Variants in KAZN observed in about 807,000 individuals in gnomAD.
KAZN encodes the protein kazrin, periplakin interacting protein, also known as kazrin.
KAZN carries 40 observed loss-of-function variants against 87.4 expected under a neutral mutation model. The ratio of observed to expected loss-of-function variants is 0.46; its 90% confidence interval spans 0.36 to 0.60. The LOEUF is 0.60. Among genes scored for constraint, KAZN ranks in the 20% least tolerant of loss-of-function variants. KAZN has a pLI of 0.00. For synonymous variants in KAZN, 466 were observed against 458.3 expected, an observed-to-expected ratio of 1.02 and a Z score of -0.22; for missense variants, 898 against 1,073.9, an observed-to-expected ratio of 0.84 and a Z score of 2.29.
chr1:14,766,547 C>G (rs1407025119), intron 1 of KAZN, among the ~76,000 whole-genome samples: 1 of 150,022 alleles, frequency 6.7e-6, no homozygotes, highest in African/African-American at 2.5e-5. Context: ...AAACCTATTG[C>G]CTGGTGCTCT....
chr1:14,100,857 C>T (rs1570738020), intron 1 of KAZN, among the ~76,000 whole-genome samples: 1 of 152,222 alleles, frequency 6.6e-6, no homozygotes, highest in Admixed American at 6.5e-5. Context: ...GTAATTGAAT[C>T]ATGGGATGGG....
intron 1 of KAZN, among the ~76,000 whole-genome samples, chr1:14,676,922 G>A (rs1014781210): frequency 6.6e-6 from 1 of 152,018 alleles, no homozygotes; most frequent in Non-Finnish European, 1.5e-5. Flanking sequence ...CCACTGAATT[G>A]TATACTTTAA....
chr1:14,961,638 A>T (rs574201483), intron 2 of KAZN, among the ~76,000 whole-genome samples: 33 of 152,294 alleles, frequency 2.2e-4, no homozygotes, highest in African/African-American at 7.9e-4. Context: ...ACATCTGGGG[A>T]AAACACAGCC....
At chr1:14,924,599 C>T in intron 1 of KAZN, 1 of 985,760 alleles carries the variant, frequency 1.0e-6, no homozygotes. Flanking sequence ...CGGGGCGGGG[C>T]GGGCGGCGCG....
chr1:15,059,012 A>G (rs1638544557), intron 5 of KAZN, among the ~76,000 whole-genome samples: 2 of 151,920 alleles, frequency 1.3e-5, no homozygotes, highest in Non-Finnish European at 2.9e-5. Flanking sequence ...ACAGAGCAAG[A>G]CCCTGTCTCA....
At chr1:14,356,965 A>C (rs1414277017) in intron 2 of KAZN, among the ~76,000 whole-genome samples, 2 of 152,160 alleles carry the variant, frequency 1.3e-5, no homozygotes, top group Admixed American at 1.3e-4. Context: ...CTGTGAAGAA[A>C]GTCAATGGTG....
chr1:13,999,738 C>A (rs12735414), intron 1 of KAZN, among the ~76,000 whole-genome samples: 22,110 of 151,876 alleles, frequency 0.15, 1,713 homozygotes, highest in Middle Eastern at 0.22. Flanking sequence ...CATGAAGAAC[C>A]CTCCAAAGTA....
At chr1:14,404,910 T>C (rs1335636150) in intron 2 of KAZN, among the ~76,000 whole-genome samples, 1 of 152,204 alleles carries the variant, frequency 6.6e-6, no homozygotes, top group Non-Finnish European at 1.5e-5. Context: ...TGTCACATCA[T>C]TGTAAAGATG....
At chr1:14,058,343 G>T (rs1164576693) in intron 1 of KAZN, among the ~76,000 whole-genome samples, 1 of 151,992 alleles carries the variant, frequency 6.6e-6, no homozygotes, top group Admixed American at 6.6e-5. Context: ...AAGGACTTAA[G>T]TCTTTAAAAA....
chr1:14,736,299 G>GTGTGTGTGTGTGTGTA (rs1214411509), intron 1 of KAZN, among the ~76,000 whole-genome samples: 8 of 121,096 alleles, frequency 6.6e-5, no homozygotes, highest in African/African-American at 2.7e-4. Context: ...GTGTGTGTGT[G>GTGTGTGTGTGTGTGTA]TATATTTTTT....
intron 1 of KAZN, among the ~76,000 whole-genome samples, chr1:14,666,040 A>T (rs1029910960): frequency 4.1e-5 from 6 of 145,094 alleles, no homozygotes; most frequent in Non-Finnish European, 6.1e-5. Flanking sequence ...CTTGGAATTT[A>T]AAAAAAAAAA....
chr1:14,684,821 C>A (rs1228459456), intron 1 of KAZN, among the ~76,000 whole-genome samples: 2 of 152,148 alleles, frequency 1.3e-5, no homozygotes, highest in Non-Finnish European at 2.9e-5. Context: ...CCTGGATAAC[C>A]CAGGATCATT....
intron 2 of KAZN, among the ~76,000 whole-genome samples, chr1:14,364,875 C>T (rs1340827198): frequency 2.6e-5 from 4 of 152,040 alleles, no homozygotes; most frequent in African/African-American, 9.7e-5. Context: ...CTGTGTGTGT[C>T]TTCACTTCAT....
Position 14,320,828 on chromosome 1 carries a change from T to C in KAZN, c.249+140236T>C, listed in dbSNP as rs115507252. On this transcript the variant is annotated intron_variant, in intron 2 of 16. Coordinates refer to the KAZN transcript ENST00000636203. ...ATGCTGATATCAAAACATCATGTTT[T>C]AAACTTTGGGTTGAGTCACTCAGCT... Among the ~76,000 whole-genome samples the C allele has an allele frequency of 4.5e-3, 688 of 152,332 alleles. 2 individuals are homozygous for C. The highest frequency in any genetic ancestry group is 0.015 in the African/African-American group (636 of 41,586).
intron 2 of KAZN, among the ~76,000 whole-genome samples, chr1:14,508,267 T>C (rs1427641631): frequency 6.6e-6 from 1 of 152,170 alleles, no homozygotes; most frequent in Non-Finnish European, 1.5e-5. Context: ...GCTGGACTTG[T>C]TGAAGCTCAG....
chr1:14,800,883 G>A (rs770402948), intron 1 of KAZN, among the ~76,000 whole-genome samples: 16 of 152,108 alleles, frequency 1.1e-4, no homozygotes, highest in Non-Finnish European at 2.4e-4. Flanking sequence ...GACTGTGGGA[G>A]GGGAAGTGGG....
At chr1:14,575,276 T>C (rs1675110527) in intron 2 of KAZN, among the ~76,000 whole-genome samples, 1 of 152,032 alleles carries the variant, frequency 6.6e-6, no homozygotes, top group South Asian at 2.1e-4. Context: ...GACTGGGTAA[T>C]TTATAAAGAA....
In KAZN at chr1:14,184,274, C is replaced by G. The variant is rs1308206411; in HGVS notation, c.249+3682C>G. Reference sequence around the variant, plus strand: ...ACCCGACCCAGCATCTCTCCTCCTCCCCTCCTATTTTCTCCTTCTCTCAAA... The same window carrying G: ...ACCCGACCCAGCATCTCTCCTCCTCGCCTCCTATTTTCTCCTTCTCTCAAA... On this transcript the variant is annotated intron_variant, in intron 2 of 16. Coordinates refer to the KAZN transcript ENST00000636203. This position sits in a 1 kb window ranked among gnomAD's most constrained non-coding sequence, Gnocchi z 4.2. 6.6e-6 allele frequency among the ~76,000 whole-genome samples: 1 copy of G among 151,946 alleles called. No individual in the cohort carries two copies. The highest frequency in any genetic ancestry group is 2.4e-5 in the African/African-American group (1 of 41,358).
At chr1:14,370,518 A>G (rs1660392503) in intron 2 of KAZN, among the ~76,000 whole-genome samples, 2 of 152,122 alleles carry the variant, frequency 1.3e-5, no homozygotes, top group African/African-American at 4.8e-5. Flanking sequence ...TGTGCAGGGC[A>G]TGCTAGGAAA....
Sources: allele counts gnomAD v4.1 joint callset (sites outside exome capture counted in the v4.1 genomes callset), GRCh38; gene constraint gnomAD v4.1.1; non-coding constraint Gnocchi (gnomAD v3.1); transcripts MANE v1.5; gene names NCBI Gene and HGNC (gene_info 2026-07-23, HGNC 2026-07-21).